The following TMEM245 variants were observed in gnomAD, a reference collection of about 807,000 sequenced individuals.
The protein encoded by TMEM245 is transmembrane protein 245.
Under a neutral mutation model 101.2 loss-of-function variants are expected in TMEM245, and 69 were observed. The ratio of observed to expected loss-of-function variants is 0.68; its 90% confidence interval spans 0.56 to 0.83. TMEM245 has a LOEUF of 0.83. TMEM245 is among the 40% of genes least tolerant of loss of function. TMEM245 has a pLI of 0.00. For missense variants in TMEM245, 1,075 were observed against 1,092.8 expected (o/e 0.98, Z 0.23); for synonymous variants, 537 against 449.8 (o/e 1.19, Z -2.45).
At position 109,073,407 on chromosome 9, in the gene TMEM245, A is replaced by G; in HGVS notation, c.1481T>C (p.Val494Ala). The stretch of plus-strand genomic sequence containing the variant: ...AGTTTCATTAATCAAATTACTTGTG[A>G]CTTCAATCATGTGTACACTCTCTTG... ...VHQESVHMIE[V>A]TSNLINETLA... The change falls in exon 9 of 18, where the codon GTC (valine) becomes GCC (alanine). Residue 494 changes from valine (V) to alanine (A), a missense_variant. This residue lies in a region of TMEM245 where 808 missense variants were observed against 741.5 expected (regional missense o/e 1.09). Transcript: ENST00000374586. The G allele has an allele frequency of 6.2e-7, 1 of 1,612,704 alleles. No individual in the cohort carries two copies. Among genetic ancestry groups the G allele is most frequent in the Non-Finnish European group, 8.5e-7 (1 of 1,179,416 alleles).
In TMEM245 at chr9:109,119,520, C is replaced by A; in HGVS notation, c.394G>T (p.Asp132Tyr). The A allele has an allele frequency of 6.6e-7, 1 of 1,526,464 alleles. No individual in the cohort carries two copies. The highest frequency in any genetic ancestry group is 8.8e-7 in the Non-Finnish European group (1 of 1,142,730). 94.6% of individuals were successfully genotyped at this position (1,526,464 alleles called of 1,614,324 possible). A position where few individuals can be genotyped will look rare whatever the true frequency, so the allele number is the denominator to read the frequency against. ...TCGCCCAGGGCCTCGACGCCGTAGT[C>A]GACGAAGCAGAGCGGCAGGAGCAGC... ...AALLLPLCFVDYGVEALGEQA... is the reference protein window; with the variant it reads ...AALLLPLCFVYYGVEALGEQA... Residue 132 changes from aspartate to tyrosine, a missense_variant, in exon 1 of 18, where the codon GAC (aspartate) becomes TAC (tyrosine). Coordinates refer to ENST00000374586, the MANE Select transcript of TMEM245 (RefSeq NM_032012.4).
At chr9:109,084,596 C>T (rs1177098487) in intron 7 of TMEM245, among the ~76,000 whole-genome samples, 1 of 152,176 alleles carries the variant, frequency 6.6e-6, no homozygotes, top group African/African-American at 2.4e-5. Flanking sequence ...ACAAAATCAT[C>T]GCTTGAGCCC....
Position 109,044,250 on chromosome 9 carries a change from G to A in TMEM245, c.2123+6033C>T, listed in dbSNP as rs80224652. 3.1e-4 allele frequency among the ~76,000 whole-genome samples: 47 copies of A among 152,260 alleles called. No homozygotes were observed. The East Asian group carries it at 8.9e-3, about 29-fold the overall frequency. ...AAACTGAGTAAGAAAAAAATAACAA[G>A]ACAATTCAGGATTTAATCAGATGAC... On this transcript the variant is annotated intron_variant, in intron 14 of 17. Coordinates refer to ENST00000374586, the MANE Select transcript of TMEM245 (RefSeq NM_032012.4).
In TMEM245 at chr9:109,070,729, C is replaced by T. The variant is rs535137067; in HGVS notation, c.1532+2627G>A. 2.6e-5 allele frequency among the ~76,000 whole-genome samples: 4 copies of T among 152,230 alleles called. 1 individual carries two copies. The highest frequency in any genetic ancestry group is 7.2e-5 in the African/African-American group (3 of 41,538). Reference sequence around the variant, plus strand: ...ATCACTCCTAAAAATTTCCTTGCACCTATATGTATGTCCTCCCTAGAGCTC... The same window carrying T: ...ATCACTCCTAAAAATTTCCTTGCACTTATATGTATGTCCTCCCTAGAGCTC... On this transcript the variant is annotated intron_variant, in intron 9 of 17. Transcript: ENST00000374586.
At chr9:109,022,912 C>T (rs2132271773) in intron 17 of TMEM245, among the ~76,000 whole-genome samples, 1 of 152,326 alleles carries the variant, frequency 6.6e-6, no homozygotes, top group South Asian at 2.1e-4. Context: ...TATCTATTAA[C>T]TATTCATTTC....
At chr9:109,061,954 G>A (rs571070719) in intron 10 of TMEM245, among the ~76,000 whole-genome samples, 2 of 152,096 alleles carry the variant, frequency 1.3e-5, no homozygotes, top group African/African-American at 4.8e-5. Context: ...GATGTTCATT[G>A]CAGGGTTACT....
chr9:109,092,135 T>C (rs893066168), intron 4 of TMEM245, among the ~76,000 whole-genome samples: 5 of 152,224 alleles, frequency 3.3e-5, no homozygotes, highest in Non-Finnish European at 7.3e-5. Flanking sequence ...TCTCTTCAGT[T>C]GAAAGTCAGC....
chr9:109,070,159 T>C (rs953121936), intron 9 of TMEM245, among the ~76,000 whole-genome samples: 35 of 152,164 alleles, frequency 2.3e-4, no homozygotes, highest in African/African-American at 7.7e-4. Context: ...TGCTGATGCT[T>C]CTCAAAACTC....
chr9:109,046,801 T>C (rs1330490108), intron 14 of TMEM245, among the ~76,000 whole-genome samples: 1 of 152,220 alleles, frequency 6.6e-6, no homozygotes, highest in Non-Finnish European at 1.5e-5. Flanking sequence ...CACTTATTTT[T>C]CCCTCAAAAT....
At chr9:109,079,268 T>C (rs1564195101) in intron 8 of TMEM245, among the ~76,000 whole-genome samples, 2 of 152,042 alleles carry the variant, frequency 1.3e-5, no homozygotes, top group African/African-American at 2.4e-5. Context: ...ACCCTGCTAT[T>C]ATCCCAGGAC....
intron 16 of TMEM245, among the ~76,000 whole-genome samples, chr9:109,035,752 A>C (rs1463317292): frequency 1.3e-5 from 2 of 152,020 alleles, no homozygotes; most frequent in African/African-American, 4.8e-5. Flanking sequence ...GACATCATAT[A>C]TATTATAAAT....
At chr9:109,040,080 C>T (rs1168391651) in intron 14 of TMEM245, among the ~76,000 whole-genome samples, 1 of 152,198 alleles carries the variant, frequency 6.6e-6, no homozygotes, top group Admixed American at 6.5e-5. Flanking sequence ...CTTTCTTTCA[C>T]TGCTGAGAAT....
At chr9:109,064,701 T>C (rs1829112385) in intron 9 of TMEM245, 134 bp from the exon 10 acceptor site, 1 of 611,082 alleles carries the variant, frequency 1.6e-6, no homozygotes, top group South Asian at 2.5e-5. Flanking sequence ...TACCAAAGCA[T>C]CATGAGCAGG....
At position 109,089,148 on chromosome 9, in the gene TMEM245, C is replaced by T. The variant is rs547288517; in HGVS notation, c.1150+1774G>A. 5.3e-5 allele frequency among the ~76,000 whole-genome samples: 8 copies of T among 151,862 alleles called. No homozygotes were observed. In the South Asian group the frequency reaches 1.5e-3, roughly 28 times the overall value. On this transcript the variant is annotated intron_variant, in intron 5 of 17. Coordinates refer to ENST00000374586, the MANE Select transcript of TMEM245 (RefSeq NM_032012.4). Reference sequence around the variant, plus strand: ...CCAGTGGACGCACCTGTAGTCTCAGCTATCTGAGGGGCTGAGGCAGGAGGA... The same window carrying T: ...CCAGTGGACGCACCTGTAGTCTCAGTTATCTGAGGGGCTGAGGCAGGAGGA...
chr9:109,031,439 T>C (rs72607162), intron 17 of TMEM245, among the ~76,000 whole-genome samples: 34,377 of 152,156 alleles, frequency 0.23, 4,700 homozygotes, highest in Admixed American at 0.3. Context: ...GAATGAACCA[T>C]GAACAGAGAA....
intron 3 of TMEM245, among the ~76,000 whole-genome samples, chr9:109,095,923 G>A (rs1446957736): frequency 1.3e-5 from 2 of 152,280 alleles, no homozygotes; most frequent in Admixed American, 1.3e-4. Context: ...TATAACGTAT[G>A]GAGAAAAGTT....
intron 3 of TMEM245, among the ~76,000 whole-genome samples, chr9:109,096,339 T>C (rs1419980546): frequency 6.6e-6 from 1 of 152,072 alleles, no homozygotes; most frequent in African/African-American, 2.4e-5. Flanking sequence ...TAGCTGGGCA[T>C]GGTGGCACAC....
In TMEM245 at chr9:109,096,114, G is replaced by C. The variant is rs201238232; in HGVS notation, c.800-2523C>G. 7.9e-5 allele frequency among the ~76,000 whole-genome samples: 12 copies of C among 152,332 alleles called. No individual in the cohort carries two copies. The East Asian group carries it at 2.3e-3, about 29-fold the overall frequency. ...CCGGTTTCCAGACTATGGTTAGGTA[G>C]AGAATATATAGCAGAGCTGGATGAA... is the stretch of plus-strand genomic sequence containing the variant. On this transcript the variant is annotated intron_variant, in intron 3 of 17. Coordinates refer to ENST00000374586, the MANE Select transcript of TMEM245 (RefSeq NM_032012.4).
chr9:109,063,133 T>C (rs956326684), intron 10 of TMEM245, among the ~76,000 whole-genome samples: 3 of 152,092 alleles, frequency 2.0e-5, no homozygotes, highest in Non-Finnish European at 4.4e-5. Context: ...TTTTTTTTCT[T>C]TTTTTTGAGA....
Sources: gnomAD v4.1 joint callset for allele counts (sites outside exome capture counted in the v4.1 genomes callset) on GRCh38, gnomAD v4.1.1 for gene constraint, gnomAD v4.1.1 regional missense constraint, MANE v1.5 for transcripts, NCBI Gene and HGNC (gene_info 2026-07-23, HGNC 2026-07-21) for gene names.